The following GRID2 variants were observed in gnomAD, a reference collection of about 807,000 sequenced individuals.
GRID2 encodes glutamate ionotropic receptor delta type subunit 2, also known as glutamate receptor ionotropic, delta-2.
GRID2 carries 33 observed loss-of-function variants against 114.8 expected under a neutral mutation model. The observed-to-expected ratio is 0.29, with a 90% CI of 0.22 to 0.38. The LOEUF (loss-of-function observed/expected upper bound fraction) is 0.38. Among genes scored for constraint, GRID2 ranks in the 10% least tolerant of loss-of-function variants. GRID2 has a pLI of 1.00. For missense variants in GRID2, 1,184 were observed against 1,257.7 expected (o/e 0.94, Z 0.89); for synonymous variants, 505 against 449.9 (o/e 1.12, Z -1.55).
chr4:93,658,360 G>A (rs1972863), intron 14 of GRID2, among the ~76,000 whole-genome samples: 61,130 of 151,968 alleles, frequency 0.4, 13,613 homozygotes, highest in African/African-American at 0.6. Flanking sequence ...AATTAATAAA[G>A]AGGTCTTATT....
Position 93,773,222 on chromosome 4 carries a change from A to G in GRID2, c.*724A>G, listed in dbSNP as rs1436597858. 1 of 152,094 alleles carries G rather than the reference A, an allele frequency of 6.6e-6. No homozygotes were observed. The highest frequency in any genetic ancestry group is 1.5e-5 in the Non-Finnish European group (1 of 67,972). The allele number at this position is 152,094 out of a possible 1,614,324, so 9.4% of individuals were successfully genotyped here. ...ATTGTGTTAAATAAATTAGTATTTCATATATATACATATATATGCACCTAT... is the reference window on the plus strand; with the variant it reads ...ATTGTGTTAAATAAATTAGTATTTCGTATATATACATATATATGCACCTAT... On this transcript the variant is annotated 3_prime_UTR_variant, in exon 16 of 16. Coordinates refer to ENST00000282020, the MANE Select transcript of GRID2 (RefSeq NM_001510.4).
chr4:92,544,719 T>G (rs909088460), intron 1 of GRID2, among the ~76,000 whole-genome samples: 2 of 152,140 alleles, frequency 1.3e-5, no homozygotes, highest in African/African-American at 4.8e-5. Context: ...GTTTTTTAAT[T>G]TATCTATTTT....
intron 4 of GRID2, among the ~76,000 whole-genome samples, chr4:93,176,600 C>T (rs989994851): frequency 1.3e-5 from 2 of 151,934 alleles, no homozygotes; most frequent in Non-Finnish European, 2.9e-5. Flanking sequence ...AGGATGTAAC[C>T]GTAGTGTATC....
chr4:93,513,464 C>G (rs1180038900), intron 12 of GRID2, among the ~76,000 whole-genome samples: 1 of 152,160 alleles, frequency 6.6e-6, no homozygotes, highest in East Asian at 1.9e-4. Context: ...TGTCCACTCA[C>G]TTTGTTATTC....
chr4:93,597,966 GC>G, intron 13 of GRID2, among the ~76,000 whole-genome samples: 1 of 152,152 alleles, frequency 6.6e-6, no homozygotes, highest in African/African-American at 2.4e-5. Context: ...CTGTTAGATA[GC>G]CCTGACTTAA....
intron 14 of GRID2, among the ~76,000 whole-genome samples, chr4:93,710,447 A>C (rs1295198236): frequency 1.3e-5 from 2 of 152,138 alleles, no homozygotes; most frequent in Non-Finnish European, 2.9e-5. Context: ...ATCTCTTTCT[A>C]CGGTGAGCTG....
chr4:93,363,190 C>T (rs1024489874), intron 8 of GRID2, among the ~76,000 whole-genome samples: 2 of 152,150 alleles, frequency 1.3e-5, no homozygotes, highest in African/African-American at 4.8e-5. Flanking sequence ...GCACTCCAGC[C>T]TGGACGACAG....
chr4:93,510,257 T>A (rs1729032166), intron 12 of GRID2, among the ~76,000 whole-genome samples: 2 of 152,156 alleles, frequency 1.3e-5, no homozygotes, highest in Non-Finnish European at 2.9e-5. Flanking sequence ...GTCAGGCCAC[T>A]CTTGTCAGTT....
intron 11 of GRID2, among the ~76,000 whole-genome samples, chr4:93,476,350 A>G (rs931228472): frequency 2.6e-5 from 4 of 152,158 alleles, no homozygotes; most frequent in South Asian, 2.1e-4. Context: ...TTGTCTTTTA[A>G]AATTGCAGTG....
chr4:93,291,730 A>G (rs1205345771), intron 8 of GRID2, among the ~76,000 whole-genome samples: 3 of 152,338 alleles, frequency 2.0e-5, no homozygotes, highest in East Asian at 1.9e-4. Flanking sequence ...CCCTGCCTCA[A>G]GATGGCCTTT....
At chr4:93,309,675 T>A (rs2149184453) in intron 8 of GRID2, among the ~76,000 whole-genome samples, 1 of 152,260 alleles carries the variant, frequency 6.6e-6, no homozygotes, top group Non-Finnish European at 1.5e-5. Context: ...AATTCTAGAA[T>A]AAAGCACTAG....
chr4:92,341,696 G>A (rs1423874130), intron 1 of GRID2, among the ~76,000 whole-genome samples: 4 of 151,930 alleles, frequency 2.6e-5, no homozygotes, highest in African/African-American at 9.7e-5. Flanking sequence ...CGAGGCGGGC[G>A]GATCACGAGA....
At chr4:93,149,351 G>T (rs1736536676) in intron 4 of GRID2, among the ~76,000 whole-genome samples, 1 of 151,992 alleles carries the variant, frequency 6.6e-6, no homozygotes, top group Non-Finnish European at 1.5e-5. Context: ...AGGCAGGTGG[G>T]TCACTTGAGA....
intron 9 of GRID2, among the ~76,000 whole-genome samples, chr4:93,404,192 G>A (rs1386514782): frequency 6.6e-6 from 1 of 152,028 alleles, no homozygotes; most frequent in Admixed American, 6.6e-5. Flanking sequence ...GGGACTCACA[G>A]GGGCAAAAAG....
intron 1 of GRID2, among the ~76,000 whole-genome samples, chr4:92,482,645 G>A (rs976522156): frequency 6.6e-6 from 1 of 151,990 alleles, no homozygotes; most frequent in Non-Finnish European, 1.5e-5. Flanking sequence ...CAGAATATGA[G>A]CCTATTTGTT....
chr4:92,482,607 C>A (rs1238365241), intron 1 of GRID2, among the ~76,000 whole-genome samples: 1 of 152,066 alleles, frequency 6.6e-6, no homozygotes, highest in East Asian at 1.9e-4. Flanking sequence ...TTAAAATCTA[C>A]TTTTTTTAAG....
At chr4:93,239,722 G>T (rs531323652) in intron 8 of GRID2, among the ~76,000 whole-genome samples, 2 of 151,520 alleles carry the variant, frequency 1.3e-5, no homozygotes, top group African/African-American at 4.8e-5. Context: ...AAATAGCCAG[G>T]ATTCTCAACC....
At chr4:93,248,518 C>T (rs1041461293) in intron 8 of GRID2, among the ~76,000 whole-genome samples, 1 of 152,060 alleles carries the variant, frequency 6.6e-6, no homozygotes, top group Non-Finnish European at 1.5e-5. Context: ...CTTTTCATTA[C>T]ACCTCAAATT....
intron 10 of GRID2, among the ~76,000 whole-genome samples, chr4:93,424,358 C>G (rs1180486358): frequency 6.6e-6 from 1 of 152,070 alleles, no homozygotes; most frequent in Admixed American, 6.6e-5. Context: ...TCTTGAAGTG[C>G]AGGGCTACGT....
Sources: allele counts gnomAD v4.1 joint callset (sites outside exome capture counted in the v4.1 genomes callset), GRCh38; gene constraint gnomAD v4.1.1; transcripts MANE v1.5; gene names NCBI Gene and HGNC (gene_info 2026-07-23, HGNC 2026-07-21).